The following NIPSNAP2 variants were observed in gnomAD, a reference collection of about 807,000 sequenced individuals.
NIPSNAP2 encodes nipsnap homolog 2.
Under a neutral mutation model 48.4 loss-of-function variants are expected in NIPSNAP2, and 42 were observed. The ratio of observed to expected loss-of-function variants is 0.87; its 90% CI spans 0.68 to 1.12. The LOEUF is 1.12. Among genes scored for constraint, NIPSNAP2 ranks in the 50% most tolerant of loss-of-function variants. The probability of loss-of-function intolerance (pLI) is 0.00; values close to 1 mark genes in which losing one functional copy is unlikely to be tolerated. For missense variants in NIPSNAP2, 314 were observed against 347.3 expected, an observed-to-expected ratio of 0.90 and a Z score of 0.76; for synonymous variants, 158 against 126.6, an observed-to-expected ratio of 1.25 and a Z score of -1.67.
chr7:55,982,832 C>T (rs35844144), intron 5 of NIPSNAP2, among the ~76,000 whole-genome samples: 104,632 of 151,348 alleles, frequency 0.69, 36,619 homozygotes, highest in Non-Finnish European at 0.75. Flanking sequence ...ACTTTGAAAC[C>T]GGTGACTGGG....
At chr7:55,982,312 A>G (rs767175825) in intron 5 of NIPSNAP2, 32 bp downstream of exon 5, 14 of 1,220,330 alleles carry the variant, frequency 1.1e-5, no homozygotes, top group South Asian at 1.1e-4. Flanking sequence ...TACTTAGACT[A>G]ATGATATATA....
At chr7:55,981,712 A>G (rs1432325362) in intron 4 of NIPSNAP2, 145 bp downstream of exon 4, 9 of 566,090 alleles carry the variant, frequency 1.6e-5, no homozygotes, top group East Asian at 9.0e-5. Context: ...TTCTTCAACA[A>G]TTCATTGCGA....
rs551947512 is a variant in NIPSNAP2 at position 55,975,805 on chromosome 7, A to C, written c.93-2321A>C. ...ATAATCCCAGCACTTTGGGAGGCCG[A>C]GGTGGGCAGATCACTTGAGGTCAGG... On this transcript the variant is annotated intron_variant, in intron 1 of 9. Coordinates refer to ENST00000322090, the MANE Select transcript of NIPSNAP2 (RefSeq NM_001483.3). 1.2e-4 allele frequency among the ~76,000 whole-genome samples: 18 copies of C among 152,332 alleles called. No homozygotes were observed. In the East Asian group the frequency reaches 3.3e-3, roughly 28 times the overall value.
chr7:55,995,828 C>G (rs1040372646), intron 8 of NIPSNAP2, among the ~76,000 whole-genome samples: 2 of 152,138 alleles, frequency 1.3e-5, no homozygotes, highest in East Asian at 3.9e-4. Context: ...CAGGACAGAC[C>G]TCTTGTCTCT....
chr7:55,968,147 A>C (rs951020809), intron 1 of NIPSNAP2, among the ~76,000 whole-genome samples: 4 of 152,096 alleles, frequency 2.6e-5, no homozygotes, highest in Admixed American at 2.0e-4. Flanking sequence ...CTATGACACA[A>C]ACCTTGACTG....
At chr7:55,979,205 C>T (rs1231874699) in intron 3 of NIPSNAP2, 1 of 152,318 alleles carries the variant, frequency 6.6e-6, no homozygotes, top group Non-Finnish European at 1.5e-5. Context: ...GAATTTCTTG[C>T]TCATTCCAGC....
At chr7:55,993,385 C>T (rs1469042825) in intron 7 of NIPSNAP2, among the ~76,000 whole-genome samples, 3 of 151,894 alleles carry the variant, frequency 2.0e-5, no homozygotes, top group Non-Finnish European at 2.9e-5. Flanking sequence ...CGAGACCAGC[C>T]TGGCCAACAT....
At chr7:55,982,866 TA>T (rs1433780902) in intron 5 of NIPSNAP2, among the ~76,000 whole-genome samples, 1 of 152,144 alleles carries the variant, frequency 6.6e-6, no homozygotes, top group Non-Finnish European at 1.5e-5. Context: ...CTCATGCTTG[TA>T]ATCCCAGCAC....
intron 7 of NIPSNAP2, among the ~76,000 whole-genome samples, chr7:55,986,709 A>C (rs555295465): frequency 6.8e-6 from 1 of 147,770 alleles, no homozygotes; most frequent in African/African-American, 2.6e-5. Context: ...AAAAAAATTT[A>C]ATTAAAAAGA....
intron 1 of NIPSNAP2, among the ~76,000 whole-genome samples, chr7:55,971,070 A>G (rs1787007320): frequency 6.6e-6 from 1 of 152,144 alleles, no homozygotes; most frequent in Admixed American, 6.6e-5. Flanking sequence ...AGTGTTTTGT[A>G]TAGTGCACCC....
chr7:55,974,341 T>G (rs936177787), intron 1 of NIPSNAP2, among the ~76,000 whole-genome samples: 10 of 152,114 alleles, frequency 6.6e-5, no homozygotes, highest in Non-Finnish European at 1.0e-4. Context: ...ATACCGTTGC[T>G]GCATAAGAAT....
chr7:55,987,464 C>T (rs1384209171), intron 7 of NIPSNAP2, among the ~76,000 whole-genome samples: 5 of 152,078 alleles, frequency 3.3e-5, no homozygotes, highest in Non-Finnish European at 7.3e-5. Context: ...CCCGTCTCTA[C>T]TAAAAATACA....
intron 1 of NIPSNAP2, among the ~76,000 whole-genome samples, chr7:55,968,647 G>A: frequency 6.6e-6 from 1 of 152,008 alleles, no homozygotes; most frequent in East Asian, 1.9e-4. Flanking sequence ...GGCCTGCTTT[G>A]GTCTCCCAAA....
chr7:55,978,074 A>C, intron 1 of NIPSNAP2, 52 bp from the exon 2 acceptor site: 1 of 1,594,758 alleles, frequency 6.3e-7, no homozygotes, highest in Non-Finnish European at 8.6e-7. Flanking sequence ...AGATTAACTG[A>C]TGGATATATG....
rs1266617878 is a variant in NIPSNAP2, at chr7:55,974,663, A to G, written c.93-3463A>G. On this transcript the variant is annotated intron_variant, in intron 1 of 9. Coordinates refer to ENST00000322090, the MANE Select transcript of NIPSNAP2 (RefSeq NM_001483.3). Reference sequence around the variant, plus strand: ...GGAGATCGAGACCATCCTGGCTAACACGGTGAAACCCCATCTCTACTAAAA... The same window carrying G: ...GGAGATCGAGACCATCCTGGCTAACGCGGTGAAACCCCATCTCTACTAAAA... 2.6e-5 allele frequency among the ~76,000 whole-genome samples: 4 copies of G among 152,136 alleles called. No individual in the cohort carries two copies. The East Asian group carries it at 7.8e-4, about 30-fold the overall frequency.
chr7:55,989,624 C>CA (rs898632461), intron 7 of NIPSNAP2, among the ~76,000 whole-genome samples: 1 of 151,692 alleles, frequency 6.6e-6, no homozygotes, highest in Non-Finnish European at 1.5e-5. Flanking sequence ...GATCCTGTCC[C>CA]AAAAAAGCCT....
intron 7 of NIPSNAP2, among the ~76,000 whole-genome samples, chr7:55,990,227 TTTTC>T (rs1787415137): frequency 6.8e-6 from 1 of 147,778 alleles, no homozygotes. Context: ...TTTTTGTTTC[TTTTC>T]TTTTTTTTTT....
chr7:55,976,470 T>C (rs960412806), intron 1 of NIPSNAP2, among the ~76,000 whole-genome samples: 6 of 152,264 alleles, frequency 3.9e-5, no homozygotes, highest in Non-Finnish European at 7.3e-5. Context: ...AGTGTCATTA[T>C]TGGGCTGAAG....
chr7:55,966,830 G>A (rs747700819), intron 1 of NIPSNAP2, among the ~76,000 whole-genome samples: 5 of 152,158 alleles, frequency 3.3e-5, no homozygotes, highest in Admixed American at 6.6e-5. Flanking sequence ...ATTGCTTGAG[G>A]CGAGAGTGTG....
Sources: allele counts gnomAD v4.1 joint callset (sites outside exome capture counted in the v4.1 genomes callset), GRCh38; gene constraint gnomAD v4.1.1; transcripts MANE v1.5; gene names NCBI Gene and HGNC (gene_info 2026-07-23, HGNC 2026-07-21).